DMD: variants seen among roughly 807,000 people sequenced by gnomAD.
DMD encodes dystrophin.
Under a neutral mutation model 330.1 loss-of-function variants are expected in DMD, and 63 were observed. The ratio of observed to expected loss-of-function variants is 0.19; its 90% CI spans 0.16 to 0.24. DMD has a LOEUF of 0.24. Among genes scored for constraint, DMD ranks in the 10% least tolerant of loss-of-function variants. The pLI, the probability that DMD is intolerant of heterozygous loss-of-function variation, is 1.00. For synonymous variants in DMD, 1,223 were observed against 959.8 expected (o/e 1.27, Z -5.07); for missense variants, 3,344 against 2,684.1 (o/e 1.25, Z -5.43).
At chrX:32,989,463 T>C (rs1249338513) in intron 2 of DMD, among the ~76,000 whole-genome samples, 1 of 111,780 alleles carries the variant, frequency 8.9e-6, no homozygotes, top group African/African-American at 3.2e-5. Flanking sequence ...CTTCAGAAAA[T>C]GTCATCGTTA....
intron 7 of DMD, among the ~76,000 whole-genome samples, chrX:32,798,983 T>A (rs55959801): frequency 9.0e-6 from 1 of 111,084 alleles, no homozygotes; most frequent in Non-Finnish European, 1.9e-5. Flanking sequence ...AAAACAGCCC[T>A]TGTTCAGCCA....
chrX:33,068,257 T>A (rs2094694368), intron 1 of DMD, among the ~76,000 whole-genome samples: 1 of 111,608 alleles, frequency 9.0e-6, no homozygotes, highest in Admixed American at 9.6e-5. Context: ...ATTCTAGAGT[T>A]TGGGAAGGAC....
chrX:31,531,462 C>T (rs2073820792), intron 55 of DMD, among the ~76,000 whole-genome samples: 1 of 54,597 alleles, frequency 1.8e-5, no homozygotes, highest in Non-Finnish European at 3.2e-5. Context: ...TTTTTGGCTG[C>T]ATAAATGTCT....
chrX:32,775,766 G>C (rs769598658), intron 7 of DMD, among the ~76,000 whole-genome samples: 1 of 112,921 alleles, frequency 8.9e-6, no homozygotes, highest in Non-Finnish European at 1.9e-5. Flanking sequence ...CCCTGAAGAC[G>C]TTTTCCCCAT....
Position 32,308,383 on chromosome X carries a change from C to T in DMD, c.6117+1699G>A, listed in dbSNP as rs980124873. Among the ~76,000 whole-genome samples the T allele has an allele frequency of 2.7e-5, 3 of 110,937 alleles. No homozygotes were observed. In the Admixed American group the frequency reaches 2.9e-4, roughly 11 times the overall value. The stretch of plus-strand genomic sequence containing the variant: ...CCAACCAGCAGCTGTACAATTTATG[C>T]ACTGCTTTTCCATTTTTACTACTGG... On this transcript the variant is annotated intron_variant, in intron 42 of 78. Transcript: ENST00000357033.
intron 55 of DMD, among the ~76,000 whole-genome samples, chrX:31,595,968 TGCTATAA>T (rs1424159126): frequency 9.0e-6 from 1 of 111,297 alleles, no homozygotes; most frequent in Non-Finnish European, 1.9e-5. Flanking sequence ...TAATTTACAA[TGCTATAA>T]GCTATAATAA....
At chrX:32,578,401 T>C (rs2053294390) in intron 13 of DMD, among the ~76,000 whole-genome samples, 1 of 112,015 alleles carries the variant, frequency 8.9e-6, no homozygotes, top group African/African-American at 3.2e-5. Flanking sequence ...CAGCAGTAAG[T>C]GAAGCTAAAG....
intron 62 of DMD, among the ~76,000 whole-genome samples, chrX:31,323,175 T>C (rs2056543953): frequency 8.9e-6 from 1 of 112,049 alleles, no homozygotes; most frequent in African/African-American, 3.2e-5. Context: ...TTTGGAAACA[T>C]GTAGTATTCA....
upstream of DMD, among the ~76,000 whole-genome samples, chrX:33,213,498 AC>A (rs764572712): frequency 1.3e-4 from 15 of 112,088 alleles, no homozygotes; most frequent in Non-Finnish European, 2.4e-4. Context: ...TCACCACAGT[AC>A]TTTCTTGTGT....
chrX:32,652,625 G>A, intron 9 of DMD, among the ~76,000 whole-genome samples: 1 of 111,023 alleles, frequency 9.0e-6, no homozygotes, highest in African/African-American at 3.3e-5. Context: ...ATAGCAGCAT[G>A]ATTTTTAATC....
chrX:32,438,104 G>T, intron 29 of DMD, 137 bp downstream of exon 29: 1 of 629,582 alleles, frequency 1.6e-6, no homozygotes, highest in Non-Finnish European at 2.5e-6. Context: ...AATTTACCCA[G>T]TGTCTGGCAT....
intron 5 of DMD, among the ~76,000 whole-genome samples, chrX:32,819,545 C>A (rs1179974043): frequency 2.7e-5 from 3 of 111,787 alleles, no homozygotes; most frequent in Non-Finnish European, 5.6e-5. Flanking sequence ...GCCTATGTTA[C>A]AAAATATGCG....
At chrX:32,084,510 C>A (rs1220661110) in intron 44 of DMD, among the ~76,000 whole-genome samples, 2 of 111,619 alleles carry the variant, frequency 1.8e-5, no homozygotes, top group African/African-American at 3.3e-5. Flanking sequence ...CATATACAGA[C>A]ATGCAAATGA....
chrX:31,571,252 GGGGTGTGT>G (rs1050535133), intron 55 of DMD, among the ~76,000 whole-genome samples: 3 of 59,659 alleles, frequency 5.0e-5, no homozygotes, highest in African/African-American at 3.1e-4. Flanking sequence ...AAGATTTAAA[GGGGTGTGT>G]GTGTGTGTGT....
At chrX:32,206,561 A>C (rs1482918390) in intron 44 of DMD, 5 of 666,982 alleles carry the variant, frequency 7.5e-6, no homozygotes. Context: ...AAAACTCCTA[A>C]AACACCCAAA....
chrX:31,682,093 A>G (rs907872639), intron 52 of DMD, among the ~76,000 whole-genome samples: 4 of 112,015 alleles, frequency 3.6e-5, no homozygotes, highest in Non-Finnish European at 7.5e-5. Flanking sequence ...AAATAAATAC[A>G]TAGAAAGAAA....
intron 1 of DMD, among the ~76,000 whole-genome samples, chrX:33,042,452 T>C (rs1268868408): frequency 8.9e-6 from 1 of 112,602 alleles, no homozygotes; most frequent in Non-Finnish European, 1.9e-5. Flanking sequence ...TAGATTTTAC[T>C]GTACTTGCAT....
At chrX:32,050,385 A>G (rs915123084) in intron 44 of DMD, among the ~76,000 whole-genome samples, 1 of 111,596 alleles carries the variant, frequency 9.0e-6, no homozygotes, top group Non-Finnish European at 1.9e-5. Flanking sequence ...TACAAATTAT[A>G]CTGCCTAGGT....
At chrX:33,136,295 A>C (rs974911680) in intron 1 of DMD, among the ~76,000 whole-genome samples, 9 of 104,959 alleles carry the variant, frequency 8.6e-5, no homozygotes, top group Non-Finnish European at 1.7e-4. Context: ...AAAAAAAAAA[A>C]AAAAAAAAAA....
Sources: gnomAD v4.1 joint callset for allele counts (sites outside exome capture counted in the v4.1 genomes callset) on GRCh38, gnomAD v4.1.1 for gene constraint, MANE v1.5 for transcripts, NCBI Gene and HGNC (gene_info 2026-07-23, HGNC 2026-07-21) for gene names.